Variants in PHF7 observed in about 807,000 individuals in gnomAD.
The protein encoded by PHF7 is E3 ubiquitin-protein ligase PHF7.
Under a neutral mutation model 47.5 loss-of-function variants are expected in PHF7, and 24 were observed. The ratio of observed to expected loss-of-function variants is 0.51; its 90% CI spans 0.37 to 0.71. The LOEUF is 0.71. Ranked by LOEUF, PHF7 falls within the 30% of genes least tolerant of loss-of-function variation. The pLI is 0.00. For missense variants in PHF7, 361 were observed against 456.8 expected, an observed-to-expected ratio of 0.79 and a Z score of 1.91; for synonymous variants, 156 against 153.8, an observed-to-expected ratio of 1.01 and a Z score of -0.11.
intron 2 of PHF7, among the ~76,000 whole-genome samples, chr3:52,413,171 T>C (rs186929031): frequency 6.6e-6 from 1 of 152,352 alleles, no homozygotes; most frequent in East Asian, 1.9e-4. Flanking sequence ...CAGAAGGCAC[T>C]ACATTTCTTT....
intron 2 of PHF7, 117 bp from the exon 3 acceptor site, chr3:52,413,879 G>A (rs1705539955): frequency 2.8e-6 from 2 of 716,534 alleles, no homozygotes; most frequent in Admixed American, 2.2e-5. Context: ...GATGTCTTAG[G>A]CTTTAGATAT....
Position 52,420,379 on chromosome 3 carries a change from C to T in PHF7, c.357C>T (p.Phe119=). The T allele has an allele frequency of 6.2e-7, 1 of 1,613,970 alleles. No individual in the cohort carries two copies. The highest frequency in any genetic ancestry group is 8.5e-7 in the Non-Finnish European group (1 of 1,179,834). ...NCQKDQCLRN[F]HLPCGQERGC... is the part of the protein sequence containing the mutation. Reference sequence around the variant, plus strand: ...AGAAGGATCAGTGCCTCAGAAACTTCCATCTGCCTTGTGGCCAAGAAAGGG... The same window carrying T: ...AGAAGGATCAGTGCCTCAGAAACTTTCATCTGCCTTGTGGCCAAGAAAGGG... The change falls in exon 6 of 11, where the codon TTC becomes TTT. Residue 119 remains phenylalanine (F), a synonymous_variant. Coordinates refer to ENST00000327906, the MANE Select transcript of PHF7 (RefSeq NM_016483.7).
chr3:52,420,151 G>A (rs1705742631), intron 5 of PHF7, 160 bp from the exon 6 acceptor site: 2 of 863,850 alleles, frequency 2.3e-6, no homozygotes, highest in Non-Finnish European at 4.0e-6. Flanking sequence ...ACTCAGTGCT[G>A]CTTGAAGCTC....
Position 52,423,344 on chromosome 3 carries a change from A to G in PHF7, c.*27A>G. On this transcript the variant is annotated 3_prime_UTR_variant, in exon 11 of 11. Transcript: ENST00000327906. ...ACCTTCTGAGTAGCTGCTGTCCCACACAATAGGGTATGAAGCTGCGCTCCT... is the reference window on the plus strand; with the variant it reads ...ACCTTCTGAGTAGCTGCTGTCCCACGCAATAGGGTATGAAGCTGCGCTCCT... 6.9e-7 allele frequency: 1 copy of G among 1,441,142 alleles called. No individual in the cohort carries two copies. 89.3% of individuals were successfully genotyped at this position (1,441,142 alleles called of 1,614,324 possible).
At chr3:52,413,655 T>C (rs1052586362) in intron 2 of PHF7, among the ~76,000 whole-genome samples, 1 of 152,072 alleles carries the variant, frequency 6.6e-6, no homozygotes, top group African/African-American at 2.4e-5. Context: ...GCCAACATGG[T>C]GAAACCCCGT....
chr3:52,412,201 G>GA (rs35790868), intron 1 of PHF7, among the ~76,000 whole-genome samples: 28,672 of 143,500 alleles, frequency 0.2, 3,104 homozygotes, highest in African/African-American at 0.3. Context: ...GACCCTGTCT[G>GA]AAAAAAAAAA....
intron 2 of PHF7, among the ~76,000 whole-genome samples, chr3:52,413,563 A>G (rs1705527529): frequency 6.6e-6 from 1 of 152,248 alleles, no homozygotes; most frequent in Non-Finnish European, 1.5e-5. Flanking sequence ...GGCCAGGTGC[A>G]GTGGCTCATG....
chr3:52,422,873 C>A lies in PHF7; in HGVS notation c.911C>A (p.Ala304Glu), dbSNP rs148222068. The A allele has an allele frequency of 2.0e-3, 3,269 of 1,614,110 alleles. 72 individuals are homozygous for A. The highest frequency in any genetic ancestry group is 3.2e-4 in the Non-Finnish European group (375 of 1,179,998). ...KWECEECSPA[A>E]ATDYIPENSG... ...GAGTGTGAGGAGTGTTCACCTGCTG[C>A]AGCCACAGGTGAGGCTGGAGGGATG... Residue 304 changes from alanine to glutamate, a missense_variant, in exon 10 of 11, where the codon GCA (alanine) becomes GAA (glutamate). Transcript: ENST00000327906.
intron 4 of PHF7, among the ~76,000 whole-genome samples, chr3:52,415,472 C>T (rs549923973): frequency 6.6e-6 from 1 of 152,124 alleles, no homozygotes. Flanking sequence ...AATGTATGTC[C>T]CCAAATAACC....
At chr3:52,411,410 G>A (rs952988962) in intron 1 of PHF7, 163 bp downstream of exon 1, 1 of 152,358 alleles carries the variant, frequency 6.6e-6, no homozygotes, top group African/African-American at 2.4e-5. Flanking sequence ...GCCATCAGAT[G>A]TCATTGCTTC....
chr3:52,423,257 G>T lies in PHF7; in HGVS notation c.1086G>T (p.Arg362Ser). The change falls in exon 11 of 11, where the codon AGG (arginine) becomes AGT (serine). Residue 362 changes from arginine (R) to serine (S), a missense_variant. Physicochemically the swap from Arg to Ser is moderately radical, Grantham distance 110 (BLOSUM62 -1). Coordinates refer to ENST00000327906, the MANE Select transcript of PHF7 (RefSeq NM_016483.7). ...LEKPESSRGR[R>S]SYSWRSKGVR... ...AGCCAGAGTCCTCTCGTGGCAGGAG[G>T]AGCTACTCCTGGAGGTCCAAGGGTG... 1 of 1,614,054 alleles carries T rather than the reference G, an allele frequency of 6.2e-7. No individual in the cohort carries two copies. Among genetic ancestry groups the T allele is most frequent in the South Asian group, 1.1e-5 (1 of 91,066 alleles).
chr3:52,421,371 G>A (rs1260561450), intron 7 of PHF7, among the ~76,000 whole-genome samples: 1 of 152,224 alleles, frequency 6.6e-6, no homozygotes, highest in Non-Finnish European at 1.5e-5. Flanking sequence ...GAAAGAAAAG[G>A]GAAACATGTA....
intron 5 of PHF7, 24 bp from the exon 6 acceptor site, chr3:52,420,287 C>T: frequency 6.2e-7 from 1 of 1,612,796 alleles, no homozygotes; most frequent in Non-Finnish European, 8.5e-7. Flanking sequence ...GGGTCCTGAG[C>T]ACTGTCTGGG....
intron 4 of PHF7, among the ~76,000 whole-genome samples, chr3:52,415,438 G>C (rs1388107685): frequency 1.3e-5 from 2 of 152,050 alleles, no homozygotes; most frequent in Non-Finnish European, 2.9e-5. Context: ...TAATTTTAAG[G>C]GTCCAGTTTG....
rs1705855509 is a variant in PHF7, at chr3:52,423,324, C to G, written c.*7C>G. On this transcript the variant is annotated 3_prime_UTR_variant, in exon 11 of 11. Coordinates refer to ENST00000327906, the MANE Select transcript of PHF7 (RefSeq NM_016483.7). ...CTGCAAAAAATCCAAGTAACACCTT[C>G]TGAGTAGCTGCTGTCCCACACAATA... 1 of 1,569,760 alleles carries G rather than the reference C, an allele frequency of 6.4e-7. No homozygotes were observed. The highest frequency in any genetic ancestry group is 1.3e-5 in the African/African-American group (1 of 74,178).
intron 7 of PHF7, among the ~76,000 whole-genome samples, 181 bp downstream of exon 7, chr3:52,421,243 T>C (rs1705780362): frequency 6.6e-6 from 1 of 152,210 alleles, no homozygotes; most frequent in Admixed American, 6.5e-5. Context: ...ATTCCTGGCC[T>C]ATAGGACCTC....
In PHF7 at chr3:52,419,869, A is replaced by G; in HGVS notation, c.223A>G (p.Asn75Asp). The G allele has an allele frequency of 6.2e-7, 1 of 1,609,880 alleles. No homozygotes were observed. Among genetic ancestry groups the G allele is most frequent in the Non-Finnish European group, 8.5e-7 (1 of 1,177,710 alleles). The change falls in exon 5 of 11, where the codon AAC becomes GAC. Residue 75 changes from asparagine to aspartate, a missense_variant. Physicochemically the swap from Asn to Asp is conservative, Grantham distance 23. Coordinates refer to ENST00000327906, the MANE Select transcript of PHF7 (RefSeq NM_016483.7). ...TAAGCTGCCTCAGAGGGGCCAGTCC[A>G]ACAGAGGCTTCCATGGATTTCTGCC... Reference protein sequence around the residue: ...SSKLPQRGQSNRGFHGFLPED... With the variant: ...SSKLPQRGQSDRGFHGFLPED...
At chr3:52,420,773 C>A in intron 6 of PHF7, 130 bp from the exon 7 acceptor site, 1 of 791,026 alleles carries the variant, frequency 1.3e-6, no homozygotes, top group Non-Finnish European at 2.1e-6. Flanking sequence ...CTTCACTCTG[C>A]CTCTCCTCTT....
At chr3:52,421,804 A>G in intron 8 of PHF7, 50 bp downstream of exon 8, 2 of 937,654 alleles carry the variant, frequency 2.1e-6, no homozygotes, top group Non-Finnish European at 3.5e-6. Context: ...GGTTGCCTAG[A>G]TTTCTAGAGA....
Sources: allele counts gnomAD v4.1 joint callset (sites outside exome capture counted in the v4.1 genomes callset), GRCh38; gene constraint gnomAD v4.1.1; transcripts MANE v1.5; gene names NCBI Gene and HGNC (gene_info 2026-07-23, HGNC 2026-07-21).